The following CHRNA4 variants were observed in gnomAD, a reference collection of about 807,000 sequenced individuals.
CHRNA4 encodes neuronal acetylcholine receptor subunit alpha-4.
In CHRNA4, 28 loss-of-function variants were observed where a neutral mutation model predicts 48.9. The ratio of observed to expected loss-of-function variants is 0.57; its 90% CI spans 0.42 to 0.79. CHRNA4 has a LOEUF of 0.79. Among genes scored for constraint, CHRNA4 ranks in the 30% least tolerant of loss-of-function variants. The probability of loss-of-function intolerance (pLI) is 0.00; values close to 1 mark genes in which losing one functional copy is unlikely to be tolerated. For missense variants in CHRNA4, 859 were observed against 898.4 expected (o/e 0.96, Z 0.56); for synonymous variants, 425 against 402.3 (o/e 1.06, Z -0.68).
In CHRNA4 at chr20:63,350,287, A is replaced by G. The variant is rs759359659; in HGVS notation, c.1124T>C (p.Met375Thr). 2.5e-6 allele frequency: 4 copies of G among 1,612,600 alleles called. No individual in the cohort carries two copies. In the East Asian group the frequency reaches 6.7e-5, roughly 27 times the overall value. ...KDNCRRLIESMHKMASAPRFW... is the reference protein window; with the variant it reads ...KDNCRRLIESTHKMASAPRFW... ...GCGCGGGGCACTGGCCATCTTATGC[A>G]TGGACTCGATGAGCCGCCGGCAATT... Residue 375 changes from methionine to threonine, a missense_variant, in exon 5 of 6, where the codon ATG (methionine) becomes ACG (threonine). By Grantham distance (81) the Met-to-Thr change is moderately conservative (BLOSUM62 -1). Transcript: ENST00000370263.
chr20:63,355,421 T>G (rs1441206854), intron 4 of CHRNA4: 1 of 943,006 alleles, frequency 1.1e-6, no homozygotes, highest in Admixed American at 2.4e-5. Flanking sequence ...TGGCGTGACA[T>G]GTCCTGGGCA....
chr20:63,348,575 G>A (rs2068531606), intron 5 of CHRNA4, among the ~76,000 whole-genome samples: 2 of 152,196 alleles, frequency 1.3e-5, no homozygotes, highest in African/African-American at 4.8e-5. Context: ...CCTGGCAGAG[G>A]TGGCCCCTTC....
chr20:63,347,323 A>T (rs1355302633), intron 5 of CHRNA4, among the ~76,000 whole-genome samples: 3 of 152,146 alleles, frequency 2.0e-5, no homozygotes, highest in Non-Finnish European at 4.4e-5. Context: ...GTGGGCGCAC[A>T]GAGGGCGGAC....
chr20:63,343,880 G>A lies in CHRNA4; in HGVS notation c.*2858C>T. On this transcript the variant is annotated 3_prime_UTR_variant, in exon 6 of 6. Transcript: ENST00000370263. ...GGGTCGGGGGTCACAGCCCTGGCAA[G>A]GTGGGTTCTAGGCAAGCTGTCCACC... 1 of 454,180 alleles carries A rather than the reference G, an allele frequency of 2.2e-6. No individual in the cohort carries two copies. The highest frequency in any genetic ancestry group is 1.6e-5 in the South Asian group (1 of 64,484). 28.1% of individuals were successfully genotyped at this position (454,180 alleles called of 1,614,324 possible).
chr20:63,351,062 CA>C, intron 4 of CHRNA4, 35 bp from the exon 5 acceptor site: 1 of 1,595,180 alleles, frequency 6.3e-7, no homozygotes, highest in African/African-American at 1.4e-5. Flanking sequence ...GTGAGACCCC[CA>C]CATCCATGCC....
rs1225079525 is a variant in CHRNA4, at chr20:63,345,430, A to AG, written c.*1307dup. 2.5e-6 allele frequency: 1 copy of AG among 395,084 alleles called. No individual in the cohort carries two copies. The allele number at this position is 395,084 out of a possible 1,614,324, so 24.5% of individuals were successfully genotyped here. ...GGTGGGGCAGCCTGTGCCCATCCCA[A>AG]GGGGAAGTGTGCCCCTGGGGACACT... On this transcript the variant is annotated 3_prime_UTR_variant, in exon 6 of 6. Transcript: ENST00000370263. The surrounding 1 kb of genome is among the most constrained non-coding windows in gnomAD (Gnocchi z 5.4).
rs121912264 is a variant in CHRNA4, at chr20:63,350,357, C to T, written c.1054G>A (p.Val352Met). The change falls in exon 5 of 6, where the codon GTG becomes ATG. Residue 352 changes from valine (V) to methionine (M), a missense_variant. Around this residue, in one of 3 missense-constraint regions of CHRNA4, gnomAD observed 478 missense variants for 455.4 expected, o/e 1.05. Transcript: ENST00000370263. ...TWVRRVFLDIVPRLLLMKRPS... is the reference protein window; with the variant it reads ...TWVRRVFLDIMPRLLLMKRPS... Reference sequence around the variant, plus strand: ...CGCTTCATGAGGAGCAGGCGTGGCACGATGTCCAGGAAGACCCTGCGTACC... The same window carrying T: ...CGCTTCATGAGGAGCAGGCGTGGCATGATGTCCAGGAAGACCCTGCGTACC... The T allele has an allele frequency of 1.7e-5, 28 of 1,613,498 alleles. No individual in the cohort carries two copies. The highest frequency in any genetic ancestry group is 1.6e-4 in the Middle Eastern group (1 of 6,084).
Position 63,344,582 on chromosome 20 carries a change from C to T in CHRNA4, c.*2156G>A, listed in dbSNP as rs1166188050. The T allele has an allele frequency of 4.4e-6, 2 of 453,670 alleles. No individual in the cohort carries two copies. Among genetic ancestry groups the T allele is most frequent in the South Asian group, 3.1e-5 (2 of 64,432 alleles). The allele number at this position is 453,670 out of a possible 1,614,324, so 28.1% of individuals were successfully genotyped here. On this transcript the variant is annotated 3_prime_UTR_variant, in exon 6 of 6. Transcript: ENST00000370263. The surrounding 1 kb of genome is among the most constrained non-coding windows in gnomAD (Gnocchi z 4.5). ...TCCCCCGGCAGGAGCGTCCCAGCCA[C>T]TCCGCAGTCACTCCTGACCCAGAAA... is the stretch of plus-strand genomic sequence containing the variant.
At position 63,349,759 on chromosome 20, in the gene CHRNA4, G is replaced by A. The variant is rs79438238; in HGVS notation, c.1652C>T (p.Thr551Ile). The change falls in exon 5 of 6, where the codon ACC becomes ATC. Residue 551 changes from threonine (T) to isoleucine (I), a missense_variant. Physicochemically the swap from Thr to Ile is moderately conservative, Grantham distance 89. Coordinates refer to ENST00000370263, the MANE Select transcript of CHRNA4 (RefSeq NM_000744.7). ...SPSATVKTRS[T>I]KAPPPHLPLS... is the part of the protein sequence containing the mutation. The stretch of plus-strand genomic sequence containing the variant: ...GGGCAGGTGCGGGGGCGGCGCTTTG[G>A]TGCTGCGGGTCTTGACCGTGGCGCT... 5.6e-6 allele frequency: 9 copies of A among 1,611,966 alleles called. No individual in the cohort carries two copies. Among genetic ancestry groups the A allele is most frequent in the Middle Eastern group, 1.7e-4 (1 of 6,054 alleles).
At chr20:63,349,413 G>C in intron 5 of CHRNA4, 1 of 596,288 alleles carries the variant, frequency 1.7e-6, no homozygotes, top group Non-Finnish European at 3.0e-6. Context: ...CAAAGCCAGA[G>C]ACGGCACCGG....
At chr20:63,356,120 AG>A in intron 3 of CHRNA4, 36 bp from the exon 4 acceptor site, 1 of 93,156 alleles carries the variant, frequency 1.1e-5, no homozygotes, top group Non-Finnish European at 1.9e-5. Context: ...CTGCAGGGTG[AG>A]GGGTGTGGGG....
chr20:63,357,870 G>C (rs1715286825), intron 2 of CHRNA4, among the ~76,000 whole-genome samples: 2 of 152,200 alleles, frequency 1.3e-5, no homozygotes, highest in African/African-American at 4.8e-5. Flanking sequence ...GCAGCTCTGG[G>C]AGTCTTGGTT....
chr20:63,346,974 C>T lies in CHRNA4; in HGVS notation c.1759-111G>A, dbSNP rs182964504. 32 of 1,524,886 alleles carry T rather than the reference C, an allele frequency of 2.1e-5. No individual in the cohort carries two copies. In the East Asian group the frequency reaches 2.3e-4, roughly 11 times the overall value. 94.5% of individuals were successfully genotyped at this position (1,524,886 alleles called of 1,614,324 possible). A position where few individuals can be genotyped will look rare whatever the true frequency, so the allele number is the denominator to read the frequency against. Reference sequence around the variant, plus strand: ...GCTTCTCCACCTCCCACCTTCCACCCGAGGCAGCCATTGCTGCTGGTGCAC... The same window carrying T: ...GCTTCTCCACCTCCCACCTTCCACCTGAGGCAGCCATTGCTGCTGGTGCAC... On this transcript the variant is annotated intron_variant, in intron 5 of 5. Transcript: ENST00000370263.
intron 4 of CHRNA4, among the ~76,000 whole-genome samples, chr20:63,351,773 G>T (rs532863350): frequency 3.9e-5 from 6 of 152,374 alleles, no homozygotes; most frequent in East Asian, 3.9e-4. Context: ...GGACGTGGGT[G>T]TTCTGTCCAC....
rs887132573 is a variant in CHRNA4, at chr20:63,361,148, G to A, written c.18C>T (p.Pro6=). Residue 6 remains proline, a synonymous_variant, in exon 1 of 6, where the codon CCC becomes CCT. Coordinates refer to ENST00000370263, the MANE Select transcript of CHRNA4 (RefSeq NM_000744.7). ...GCGGCGGCAGCAGCCGCGGCGCTCC[G>A]GGGCCCCCTAGCTCCATGGCGCACG... is the stretch of plus-strand genomic sequence containing the variant. MELGG[P]GAPRLLPPLL... is the part of the protein sequence containing the mutation. The A allele has an allele frequency of 3.4e-6, 5 of 1,479,068 alleles. No homozygotes were observed. Among genetic ancestry groups the A allele is most frequent in the South Asian group, 1.3e-5 (1 of 78,294 alleles). The allele number at this position is 1,479,068 out of a possible 1,614,324, so 91.6% of individuals were successfully genotyped here. A position where few individuals can be genotyped will look rare whatever the true frequency, so the allele number is the denominator to read the frequency against.
chr20:63,356,033 T>C lies in CHRNA4; in HGVS notation c.325A>G (p.Thr109Ala), dbSNP rs145017594. Reference sequence around the variant, plus strand: ...AGCTCGGAGGGGATGCGGATGGAGGTGACATTCTCATAGTCAGCTGGGTCC... The same window carrying C: ...AGCTCGGAGGGGATGCGGATGGAGGCGACATTCTCATAGTCAGCTGGGTCC... ...RWDPADYENVTSIRIPSELIW... is the reference protein window; with the variant it reads ...RWDPADYENVASIRIPSELIW... Residue 109 changes from threonine to alanine, a missense_variant, in exon 4 of 6, where the codon ACC becomes GCC. Physicochemically the swap from Thr to Ala is moderately conservative, Grantham distance 58. Coordinates refer to ENST00000370263, the MANE Select transcript of CHRNA4 (RefSeq NM_000744.7). 3 of 1,606,670 alleles carry C rather than the reference T, an allele frequency of 1.9e-6. No homozygotes were observed. The African/African-American group carries it at 4.1e-5, about 22-fold the overall frequency.
At chr20:63,346,963 C>T (rs2068506547) in intron 5 of CHRNA4, 100 bp from the exon 6 acceptor site, 1 of 1,554,152 alleles carries the variant, frequency 6.4e-7, no homozygotes, top group Non-Finnish European at 8.8e-7. Context: ...CTCCACCTCC[C>T]ACCTTCCACC....
chr20:63,349,786 G>C lies in CHRNA4; in HGVS notation c.1625C>G (p.Pro542Arg). 2 of 1,608,942 alleles carry C rather than the reference G, an allele frequency of 1.2e-6. No individual in the cohort carries two copies. Among genetic ancestry groups the C allele is most frequent in the Non-Finnish European group, 1.7e-6 (2 of 1,176,994 alleles). Reference sequence around the variant, plus strand: ...GCTGCGGGTCTTGACCGTGGCGCTCGGGGACACCGAAGAGGGCTCCTTCTT... The same window carrying C: ...GCTGCGGGTCTTGACCGTGGCGCTCCGGGACACCGAAGAGGGCTCCTTCTT... The part of the protein sequence containing the change: ...TCKKEPSSVS[P>R]SATVKTRSTK... Residue 542 changes from proline (P) to arginine (R), a missense_variant, in exon 5 of 6, where the codon CCG becomes CGG. By Grantham distance (103) the Pro-to-Arg change is moderately radical. Coordinates refer to ENST00000370263, the MANE Select transcript of CHRNA4 (RefSeq NM_000744.7).
chr20:63,358,436 C>G (rs533767879), intron 2 of CHRNA4, among the ~76,000 whole-genome samples: 1 of 152,218 alleles, frequency 6.6e-6, no homozygotes, highest in Non-Finnish European at 1.5e-5. Flanking sequence ...TCCCGCAACC[C>G]GGTGGCTCCT....
Sources: gnomAD v4.1 joint callset for allele counts (sites outside exome capture counted in the v4.1 genomes callset) on GRCh38, gnomAD v4.1.1 for gene constraint, gnomAD v4.1.1 regional missense constraint, Gnocchi (gnomAD v3.1) non-coding constraint, MANE v1.5 for transcripts, NCBI Gene and HGNC (gene_info 2026-07-23, HGNC 2026-07-21) for gene names.